The following CARF variants were observed in gnomAD, a reference collection of about 807,000 sequenced individuals.
The protein encoded by CARF is calcium responsive transcription factor, also known as calcium-responsive transcription factor.
Under a neutral mutation model 82.0 loss-of-function variants are expected in CARF, and 57 were observed. That is an observed-to-expected ratio of 0.70 (90% CI 0.56 to 0.87). CARF has a LOEUF of 0.87. Among genes scored for constraint, CARF ranks in the 40% least tolerant of loss-of-function variants. The pLI is 0.00. For missense variants in CARF, 771 were observed against 855.8 expected, an observed-to-expected ratio of 0.90 and a Z score of 1.24; for synonymous variants, 268 against 290.1, an observed-to-expected ratio of 0.92 and a Z score of 0.77.
chr2:202,977,870 C>T (rs900499763), intron 14 of CARF, among the ~76,000 whole-genome samples: 14 of 152,030 alleles, frequency 9.2e-5, no homozygotes, highest in Non-Finnish European at 1.6e-4. Flanking sequence ...GTTTTTGAGA[C>T]GGTCTCACTC....
intron 5 of CARF, among the ~76,000 whole-genome samples, chr2:202,951,686 T>G (rs138418182): frequency 2.5e-3 from 382 of 152,266 alleles, no homozygotes; most frequent in Non-Finnish European, 4.1e-3. Context: ...GTTGTTAAAC[T>G]GAAAAAAAGT....
intron 8 of CARF, among the ~76,000 whole-genome samples, chr2:202,960,880 A>C (rs2059291448): frequency 6.6e-6 from 1 of 152,140 alleles, no homozygotes; most frequent in Non-Finnish European, 1.5e-5. Context: ...ATAGGAAATG[A>C]GTACTTTGTG....
At chr2:202,965,644 A>G (rs936093319) in intron 9 of CARF, among the ~76,000 whole-genome samples, 4 of 152,044 alleles carry the variant, frequency 2.6e-5, no homozygotes, top group Admixed American at 6.6e-5. Flanking sequence ...TTCTCACACT[A>G]TTACTTTTAT....
chr2:202,941,175 G>C (rs577889199), intron 3 of CARF, among the ~76,000 whole-genome samples: 2 of 151,900 alleles, frequency 1.3e-5, no homozygotes, highest in Non-Finnish European at 2.9e-5. Context: ...TACTTGATTA[G>C]GATATAAGTG....
chr2:202,930,366 A>G (rs1192910923), intron 3 of CARF, among the ~76,000 whole-genome samples: 1 of 152,128 alleles, frequency 6.6e-6, no homozygotes, highest in African/African-American at 2.4e-5. Context: ...GTTTTACAGT[A>G]TTTAATGGTA....
chr2:202,967,209 A>C, intron 10 of CARF, 111 bp downstream of exon 10: 1 of 1,199,104 alleles, frequency 8.3e-7, no homozygotes, highest in Non-Finnish European at 1.1e-6. Context: ...AGTGAATTCT[A>C]AGTTTTCTCT....
rs561853206 is a variant in CARF at position 202,985,102 on chromosome 2, G to T, written c.*1478G>T. 6.6e-6 allele frequency: 1 copy of T among 150,970 alleles called. No individual in the cohort carries two copies. Among genetic ancestry groups the T allele is most frequent in the Non-Finnish European group, 1.5e-5 (1 of 67,830 alleles). 9.4% of individuals were successfully genotyped at this position (150,970 alleles called of 1,614,324 possible). The stretch of plus-strand genomic sequence containing the variant: ...TAAACTAGAAATATCAACTATAATT[G>T]TCAGGAAATTAACCTAAAGGCTTTT... On this transcript the variant is annotated 3_prime_UTR_variant, in exon 17 of 17. Coordinates refer to ENST00000438828, the MANE Select transcript of CARF (RefSeq NM_024744.17).
chr2:202,947,179 A>T (rs116773016), intron 5 of CARF, among the ~76,000 whole-genome samples: 13,523 of 152,256 alleles, frequency 0.089, 734 homozygotes, highest in Non-Finnish European at 0.12. Context: ...ATGGACATGT[A>T]TGTTTATTGA....
rs193029136 is a variant in CARF at position 202,957,472 on chromosome 2, G to A, written c.642+1714G>A. Among the ~76,000 whole-genome samples, 177 of 151,924 alleles carry A rather than the reference G, an allele frequency of 1.2e-3. 1 individual carries two copies. Among genetic ancestry groups the A allele is most frequent in the East Asian group, 7.9e-3 (41 of 5,176 alleles). On this transcript the variant is annotated intron_variant, in intron 8 of 16. Transcript: ENST00000438828. ...ACAGATACTCCAGAATTTTTCTTTA[G>A]CTCTCCCTTTACCCATTTTTATTTC...
intron 2 of CARF, among the ~76,000 whole-genome samples, chr2:202,922,892 T>G (rs1312196111): frequency 6.6e-6 from 1 of 152,092 alleles, no homozygotes; most frequent in Non-Finnish European, 1.5e-5. Flanking sequence ...GATATGATTG[T>G]TTACCTAGAA....
rs2060467646 is a variant in CARF, at chr2:202,986,899, T to TATATATACATATATATATATATAC, written c.*3282_*3283insCATATATATATATATACATATATA. 2 of 138,134 alleles carry TATATATACATATATATATATATAC rather than the reference T, an allele frequency of 1.4e-5. No individual in the cohort carries two copies. Among genetic ancestry groups the TATATATACATATATATATATATAC allele is most frequent in the Admixed American group, 7.6e-5 (1 of 13,232 alleles). 8.6% of individuals were successfully genotyped at this position (138,134 alleles called of 1,614,324 possible). A position where few individuals can be genotyped will look rare whatever the true frequency, so the allele number is the denominator to read the frequency against. On this transcript the variant is annotated 3_prime_UTR_variant, in exon 17 of 17. Coordinates refer to ENST00000438828, the MANE Select transcript of CARF (RefSeq NM_024744.17). ...ATATATATATATATATATATATATA[T>TATATATACATATATATATATATAC]ATATATATAGCAACTTGATGTATAG...
chr2:202,949,356 A>G (rs1171448929), intron 5 of CARF, among the ~76,000 whole-genome samples: 2 of 151,428 alleles, frequency 1.3e-5, no homozygotes, highest in Non-Finnish European at 3.0e-5. Context: ...AAAAAAAAAA[A>G]AGAGATATGT....
At chr2:202,976,292 A>G (rs772282167) in intron 13 of CARF, among the ~76,000 whole-genome samples, 1 of 151,542 alleles carries the variant, frequency 6.6e-6, no homozygotes, top group Non-Finnish European at 1.5e-5. Flanking sequence ...CTCCTGCCTC[A>G]GCCTCCCAAG....
chr2:202,941,851 C>A lies in CARF; in HGVS notation c.-43-9C>A. On this transcript the variant is annotated splice_polypyrimidine_tract_variant and intron_variant, in intron 3 of 16. Coordinates refer to ENST00000438828, the MANE Select transcript of CARF (RefSeq NM_024744.17). ...TGCTTTAGTTGATCAGCTATTTAAA[C>A]TCTTTCAGCTATTAAATAATAGAAG... 1.4e-6 allele frequency: 2 copies of A among 1,422,514 alleles called. No individual in the cohort carries two copies. The highest frequency in any genetic ancestry group is 2.0e-6 in the Non-Finnish European group (2 of 1,011,686). The allele number at this position is 1,422,514 out of a possible 1,614,324, so 88.1% of individuals were successfully genotyped here.
rs2060468757 is a variant in CARF at position 202,986,903 on chromosome 2, T to TGTATACATATATATATATAC, written c.*3279_*3280insGTATACATATATATATATAC. Reference sequence around the variant, plus strand: ...ATATATATATATATATATATATATATATATAGCAACTTGATGTATAGTGTC... The same window carrying TGTATACATATATATATATAC: ...ATATATATATATATATATATATATATGTATACATATATATATATACATATAGCAACTTGATGTATAGTGTC... On this transcript the variant is annotated 3_prime_UTR_variant, in exon 17 of 17. Transcript: ENST00000438828. The TGTATACATATATATATATAC allele has an allele frequency of 1.2e-5, 1 of 84,572 alleles. No homozygotes were observed. The highest frequency in any genetic ancestry group is 3.3e-5 in the African/African-American group (1 of 30,176). The allele number at this position is 84,572 out of a possible 1,614,324, so 5.2% of individuals were successfully genotyped here. A position where few individuals can be genotyped will look rare whatever the true frequency, so the allele number is the denominator to read the frequency against.
chr2:202,987,255 C>T lies in CARF; in HGVS notation c.*3631C>T, dbSNP rs1186441501. 6.6e-6 allele frequency among the ~76,000 whole-genome samples: 1 copy of T among 151,172 alleles called. No homozygotes were observed. Among genetic ancestry groups the T allele is most frequent in the Non-Finnish European group, 1.5e-5 (1 of 67,892 alleles). The stretch of plus-strand genomic sequence containing the variant: ...CCACGCCCACCCACCCCCAGCCCCC[C>T]GATGTTTTGGCACCATGACATTTTC... On this transcript the variant is annotated 3_prime_UTR_variant, in exon 17 of 17. Coordinates refer to ENST00000438828, the MANE Select transcript of CARF (RefSeq NM_024744.17).
chr2:202,983,180 A>G lies in CARF; in HGVS notation c.2060-326A>G, dbSNP rs188282875. On this transcript the variant is annotated intron_variant, in intron 16 of 16. Transcript: ENST00000438828. Reference sequence around the variant, plus strand: ...GAGCCACTGCACCTGGCCAAAAGGAAGATTTGGAATTACAAAATAAATGTT... The same window carrying G: ...GAGCCACTGCACCTGGCCAAAAGGAGGATTTGGAATTACAAAATAAATGTT... Among the ~76,000 whole-genome samples, 792 of 152,280 alleles carry G rather than the reference A, an allele frequency of 5.2e-3. 25 individuals are homozygous for G. The highest frequency in any genetic ancestry group is 0.049 in the Admixed American group (747 of 15,286).
intron 1 of CARF, among the ~76,000 whole-genome samples, chr2:202,916,444 G>T (rs1052611533): frequency 1.3e-5 from 2 of 152,154 alleles, no homozygotes; most frequent in African/African-American, 4.8e-5. Flanking sequence ...GCCTCCCAAA[G>T]TGCTGGGATT....
At position 202,969,578 on chromosome 2, in the gene CARF, AAAATAAATAAATAAATAAATAAAT is replaced by A. The variant is rs55730144; in HGVS notation, c.954-322_954-299del. On this transcript the variant is annotated intron_variant, in intron 10 of 16. Transcript: ENST00000438828. Reference sequence around the variant, plus strand: ...CAACAAGAGCAAAACTCCATCTCAAAAAATAAATAAATAAATAAATAAATAAATAAATAAATAAATAAGTAATCC... The same window carrying A: ...CAACAAGAGCAAAACTCCATCTCAAAAAATAAATAAATAAATAAGTAATCC... Among the ~76,000 whole-genome samples the A allele has an allele frequency of 2.3e-3, 337 of 144,404 alleles. 5 individuals carry two copies. Among genetic ancestry groups the A allele is most frequent in the Admixed American group, 0.015 (222 of 14,336 alleles). 94.7% of individuals were successfully genotyped at this position (144,404 alleles called of 152,430 possible). A position where few individuals can be genotyped will look rare whatever the true frequency, so the allele number is the denominator to read the frequency against.
Sources: gnomAD v4.1 joint callset for allele counts (sites outside exome capture counted in the v4.1 genomes callset) on GRCh38, gnomAD v4.1.1 for gene constraint, MANE v1.5 for transcripts, NCBI Gene and HGNC (gene_info 2026-07-23, HGNC 2026-07-21) for gene names.